The following TMEM273 variants were observed in gnomAD, a reference collection of about 807,000 sequenced individuals.
The protein encoded by TMEM273 is transmembrane protein 273, also known as chromosome 10 open reading frame 128.
Under a neutral mutation model 17.9 loss-of-function variants are expected in TMEM273, and 19 were observed. The observed-to-expected ratio is 1.06, with a 90% CI of 0.74 to 1.55. The LOEUF is 1.55. Ranked by LOEUF, TMEM273 falls within the 40% of genes most tolerant of loss-of-function variation. TMEM273 has a pLI of 0.00. For synonymous variants in TMEM273, 66 were observed against 62.0 expected, an observed-to-expected ratio of 1.07 and a Z score of -0.31; for missense variants, 194 against 155.6, an observed-to-expected ratio of 1.25 and a Z score of -1.31.
At chr10:49,186,068 G>GGAGGAAGAAGAAGAAGAA (rs1554850043) in intron 1 of TMEM273, among the ~76,000 whole-genome samples, 1 of 67,086 alleles carries the variant, frequency 1.5e-5, no homozygotes, top group Non-Finnish European at 3.1e-5. Context: ...AAGAAGAAGA[G>GGAGGAAGAAGAAGAAGAA]GAAGAAGAAG....
intron 1 of TMEM273, among the ~76,000 whole-genome samples, chr10:49,173,695 G>C (rs778465484): frequency 3.3e-5 from 5 of 152,240 alleles, no homozygotes; most frequent in Non-Finnish European, 7.3e-5. Flanking sequence ...TGATGCATGA[G>C]AGCCCTCGGA....
At chr10:49,155,967 A>G (rs566867300) in intron 6 of TMEM273, 58 bp from the exon 7 acceptor site, 310 of 1,613,072 alleles carry the variant, frequency 1.9e-4, no homozygotes, top group Non-Finnish European at 2.3e-4. Context: ...TACTCTAATG[A>G]TTGCATGTGT....
chr10:49,178,405 TC>T, intron 1 of TMEM273: 5 of 420,226 alleles, frequency 1.2e-5, no homozygotes, highest in Non-Finnish European at 2.4e-5. Context: ...ACCAGATCTC[TC>T]CCCTGACGGT....
chr10:49,187,203 G>T (rs770467263), intron 1 of TMEM273, among the ~76,000 whole-genome samples: 22 of 152,282 alleles, frequency 1.4e-4, no homozygotes, highest in Admixed American at 2.6e-4. Context: ...CTTAATCGCT[G>T]CTTGCTGGTG....
At chr10:49,166,711 A>T in intron 3 of TMEM273, 158 bp downstream of exon 3, 1 of 1,023,322 alleles carries the variant, frequency 9.8e-7, no homozygotes, top group Non-Finnish European at 1.5e-6. Flanking sequence ...GCAAAGGGTT[A>T]GTGAGAGAGA....
At chr10:49,162,131 T>C (rs1051626975) in intron 5 of TMEM273, among the ~76,000 whole-genome samples, 2 of 152,228 alleles carry the variant, frequency 1.3e-5, no homozygotes, top group East Asian at 3.9e-4. Flanking sequence ...AAAACACATA[T>C]AACAGAGACG....
chr10:49,167,578 C>G (rs188354350), intron 2 of TMEM273, among the ~76,000 whole-genome samples: 26 of 152,112 alleles, frequency 1.7e-4, no homozygotes, highest in Non-Finnish European at 3.8e-4. Flanking sequence ...GCTGGAAGCT[C>G]GCAGGTGGAG....
At chr10:49,168,695 A>AGGGT in intron 1 of TMEM273, among the ~76,000 whole-genome samples, 1 of 32,116 alleles carries the variant, frequency 3.1e-5, no homozygotes, top group African/African-American at 1.7e-4. Flanking sequence ...GAAGGAAGGG[A>AGGGT]GGGAGGGAGG....
chr10:49,177,107 A>G (rs1200246767), intron 1 of TMEM273, among the ~76,000 whole-genome samples: 1 of 152,060 alleles, frequency 6.6e-6, no homozygotes, highest in Non-Finnish European at 1.5e-5. Flanking sequence ...GCCACCTTGA[A>G]CCACAGACCC....
At chr10:49,177,385 C>T (rs1324148049) in intron 1 of TMEM273, among the ~76,000 whole-genome samples, 1 of 152,222 alleles carries the variant, frequency 6.6e-6, no homozygotes, top group East Asian at 1.9e-4. Flanking sequence ...AGCCATTGCA[C>T]ACAAACCTCC....
chr10:49,163,079 C>T (rs536774200), intron 5 of TMEM273, among the ~76,000 whole-genome samples: 2 of 152,102 alleles, frequency 1.3e-5, no homozygotes, highest in Admixed American at 6.5e-5. Context: ...ATTGTGCCAA[C>T]CCCCCTAGGG....
At chr10:49,187,230 A>G (rs1847781217) in intron 1 of TMEM273, among the ~76,000 whole-genome samples, 3 of 152,142 alleles carry the variant, frequency 2.0e-5, no homozygotes, top group African/African-American at 7.2e-5. Flanking sequence ...ATCCCTTCAC[A>G]GTCACTGCCA....
At chr10:49,167,985 G>C in intron 1 of TMEM273, 23 bp from the exon 2 acceptor site, 1 of 1,613,806 alleles carries the variant, frequency 6.2e-7, no homozygotes, top group South Asian at 1.1e-5. Context: ...AAACCCCAGA[G>C]CCTGGTTAGA....
chr10:49,177,115 C>A (rs1360521622), intron 1 of TMEM273, among the ~76,000 whole-genome samples: 3 of 152,134 alleles, frequency 2.0e-5, no homozygotes, highest in African/African-American at 7.2e-5. Context: ...GAACCACAGA[C>A]CCTCCAGGAC....
chr10:49,155,560 AG>A lies in TMEM273; in HGVS notation c.*331del. 2.6e-6 allele frequency: 1 copy of A among 386,268 alleles called. No individual in the cohort carries two copies. The allele number at this position is 386,268 out of a possible 1,614,324, so 23.9% of individuals were successfully genotyped here. A position where few individuals can be genotyped will look rare whatever the true frequency, so the allele number is the denominator to read the frequency against. ...CTTTTCATGAGCCATTTTCTGTGGTAGGTTCCACGGACATGGACACCATGGC... is the reference window on the plus strand; with the variant it reads ...CTTTTCATGAGCCATTTTCTGTGGTAGTTCCACGGACATGGACACCATGGC... On this transcript the variant is annotated 3_prime_UTR_variant, in exon 7 of 7. Transcript: ENST00000374153.
At chr10:49,186,041 A>AGAAGAAGAGGAAGAAGAAGAAGAG (rs1188426041) in intron 1 of TMEM273, among the ~76,000 whole-genome samples, 1 of 142,896 alleles carries the variant, frequency 7.0e-6, no homozygotes, top group Admixed American at 7.0e-5. Context: ...AAGAAAAAGA[A>AGAAGAAGAGGAAGAAGAAGAAGAG]GAAGAAGAAG....
At chr10:49,185,339 C>A (rs1225327660) in intron 1 of TMEM273, among the ~76,000 whole-genome samples, 2 of 152,158 alleles carry the variant, frequency 1.3e-5, no homozygotes, top group Non-Finnish European at 2.9e-5. Context: ...CCCAGGGTCC[C>A]CCGGTCATAC....
intron 1 of TMEM273, among the ~76,000 whole-genome samples, chr10:49,174,921 G>A (rs184803520): frequency 5.3e-5 from 8 of 152,270 alleles, no homozygotes; most frequent in East Asian, 1.9e-4. Context: ...CTGCTAATGC[G>A]TGAAAGTACA....
At chr10:49,168,939 TACTC>T (rs1846378281) in intron 1 of TMEM273, among the ~76,000 whole-genome samples, 2 of 152,176 alleles carry the variant, frequency 1.3e-5, no homozygotes, top group African/African-American at 4.8e-5. Context: ...ATATATGTAA[TACTC>T]ACAGCAACAA....
Sources: allele counts gnomAD v4.1 joint callset (sites outside exome capture counted in the v4.1 genomes callset), GRCh38; gene constraint gnomAD v4.1.1; transcripts MANE v1.5; gene names NCBI Gene and HGNC (gene_info 2026-07-23, HGNC 2026-07-21).